TRDN: variants seen among roughly 807,000 people sequenced by gnomAD.
TRDN encodes triadin.
Under a neutral mutation model 149.7 loss-of-function variants are expected in TRDN, and 161 were observed. The observed-to-expected ratio is 1.08, with a 90% CI of 0.95 to 1.23. The LOEUF (loss-of-function observed/expected upper bound fraction) is 1.23. Among genes scored for constraint, TRDN ranks in the 50% most tolerant of loss-of-function variants. The probability of loss-of-function intolerance (pLI) is 0.00; values close to 1 mark genes in which losing one functional copy is unlikely to be tolerated. For missense variants in TRDN, 896 were observed against 823.5 expected (o/e 1.09, Z -1.08); for synonymous variants, 294 against 250.5 (o/e 1.17, Z -1.64).
intron 4 of TRDN, among the ~76,000 whole-genome samples, chr6:123,541,329 G>C (rs2114399163): frequency 6.6e-6 from 1 of 152,178 alleles, no homozygotes; most frequent in Non-Finnish European, 1.5e-5. Flanking sequence ...GTTTCATCCT[G>C]GGTCACTTTG....
chr6:123,613,621 T>A (rs1002357017), intron 1 of TRDN, among the ~76,000 whole-genome samples: 6 of 152,130 alleles, frequency 3.9e-5, no homozygotes, highest in Non-Finnish European at 8.8e-5. Context: ...CCAGATGATA[T>A]TCAGTAAATA....
intron 38 of TRDN, among the ~76,000 whole-genome samples, chr6:123,230,891 C>T (rs1775574895): frequency 2.0e-5 from 3 of 151,940 alleles, no homozygotes; most frequent in Admixed American, 6.6e-5. Flanking sequence ...ATGAGAACTA[C>T]AATGAGATAT....
intron 20 of TRDN, among the ~76,000 whole-genome samples, chr6:123,356,469 T>A (rs1445335924): frequency 1.4e-5 from 2 of 146,964 alleles, no homozygotes; most frequent in African/African-American, 2.5e-5. Context: ...GCTAATATTT[T>A]GTTTAGACCT....
chr6:123,558,469 A>G (rs1781799102), intron 2 of TRDN, among the ~76,000 whole-genome samples: 1 of 152,154 alleles, frequency 6.6e-6, no homozygotes, highest in Admixed American at 6.5e-5. Flanking sequence ...AGCTAAAAGC[A>G]TAGTCAAGGT....
At chr6:123,595,300 T>C (rs932894357) in intron 1 of TRDN, among the ~76,000 whole-genome samples, 11 of 152,144 alleles carry the variant, frequency 7.2e-5, no homozygotes, top group African/African-American at 2.7e-4. Context: ...GTGTTCCCTA[T>C]GAAACAGGAT....
chr6:123,458,941 TG>T (rs35579266), intron 10 of TRDN, among the ~76,000 whole-genome samples: 25,662 of 152,046 alleles, frequency 0.17, 2,323 homozygotes, highest in South Asian at 0.28. Flanking sequence ...CTTTGATATA[TG>T]TGTGTGTGCA....
chr6:123,243,250 G>A (rs1397142095), intron 38 of TRDN, among the ~76,000 whole-genome samples: 1 of 152,092 alleles, frequency 6.6e-6, no homozygotes, highest in Admixed American at 6.6e-5. Flanking sequence ...TCTGCCCTGG[G>A]GCTAACATCA....
Position 123,252,407 on chromosome 6 carries a change from C to A in TRDN, c.1975+5G>T, listed in dbSNP as rs899940538. ...GAACTTGTCATTAATACAAACCGTA[C>A]TTACTTGATACTCTTGCAGGTTTTT... On this transcript the variant is annotated splice_donor_5th_base_variant and intron_variant, in intron 38 of 40. Coordinates refer to ENST00000334268, the MANE Select transcript of TRDN (RefSeq NM_006073.4). 3.3e-6 allele frequency: 5 copies of A among 1,512,578 alleles called. No individual in the cohort carries two copies. Among genetic ancestry groups the A allele is most frequent in the Non-Finnish European group, 4.5e-6 (5 of 1,108,712 alleles). 93.7% of individuals were successfully genotyped at this position (1,512,578 alleles called of 1,614,324 possible).
Position 123,377,847 on chromosome 6 carries a change from G to T in TRDN, c.1219+19C>A. On this transcript the variant is annotated intron_variant, in intron 17 of 40. Transcript: ENST00000334268. ...AATATTATGAAATTGTGAGAACAGA[G>T]GAATTTAAAAACAGTTACCTGGTTC... 6.3e-7 allele frequency: 1 copy of T among 1,591,006 alleles called. No individual in the cohort carries two copies. Among genetic ancestry groups the T allele is most frequent in the South Asian group, 1.1e-5 (1 of 89,292 alleles).
intron 1 of TRDN, among the ~76,000 whole-genome samples, chr6:123,604,321 C>T (rs1194698791): frequency 3.3e-5 from 5 of 152,160 alleles, no homozygotes; most frequent in Non-Finnish European, 1.5e-5. Flanking sequence ...ATGAAAGAAG[C>T]CTACATTCAT....
intron 9 of TRDN, chr6:123,471,680 G>T (rs17739286): frequency 4.6e-5 from 7 of 151,968 alleles, no homozygotes; most frequent in East Asian, 1.9e-4. Context: ...ACATATTTTC[G>T]TATTCACTTT....
At chr6:123,315,060 G>A (rs1778974977) in intron 24 of TRDN, among the ~76,000 whole-genome samples, 1 of 151,692 alleles carries the variant, frequency 6.6e-6, no homozygotes, top group Non-Finnish European at 1.5e-5. Flanking sequence ...ACTAATAATA[G>A]GAAATTGTTA....
At chr6:123,426,063 A>G (rs1774108117) in intron 12 of TRDN, among the ~76,000 whole-genome samples, 2 of 152,112 alleles carry the variant, frequency 1.3e-5, no homozygotes, top group African/African-American at 2.4e-5. Context: ...CATACTGTGC[A>G]CCAGTGGAAG....
At chr6:123,219,995 T>C (rs973222620) in intron 40 of TRDN, among the ~76,000 whole-genome samples, 8 of 152,010 alleles carry the variant, frequency 5.3e-5, no homozygotes, top group African/African-American at 1.9e-4. Flanking sequence ...CTCATTAAAA[T>C]ATTATTATGA....
intron 1 of TRDN, among the ~76,000 whole-genome samples, chr6:123,622,209 A>G (rs1477715266): frequency 1.3e-5 from 2 of 152,026 alleles, no homozygotes; most frequent in African/African-American, 4.8e-5. Flanking sequence ...CAGTTCCACT[A>G]AATGGATACT....
intron 21 of TRDN, among the ~76,000 whole-genome samples, chr6:123,340,522 A>G (rs1004542903): frequency 6.6e-6 from 1 of 152,090 alleles, no homozygotes; most frequent in African/African-American, 2.4e-5. Context: ...TAACAAAATT[A>G]TCAGGCAGTT....
chr6:123,582,985 G>C lies in TRDN; in HGVS notation c.23-11853C>G, dbSNP rs117514347. Among the ~76,000 whole-genome samples, 1,494 of 152,210 alleles carry C rather than the reference G, an allele frequency of 9.8e-3. 10 individuals carry two copies. The highest frequency in any genetic ancestry group is 0.019 in the African/African-American group (784 of 41,528). ...ATTTAGAAGTATTGGTGATGGCCTG[G>C]ATAACAGTTTTGTATGAATTGAAAA... On this transcript the variant is annotated intron_variant, in intron 1 of 40. Coordinates refer to ENST00000334268, the MANE Select transcript of TRDN (RefSeq NM_006073.4).
chr6:123,490,122 T>G (rs779782580), intron 9 of TRDN, among the ~76,000 whole-genome samples: 4 of 152,156 alleles, frequency 2.6e-5, no homozygotes, highest in Non-Finnish European at 5.9e-5. Context: ...CTATGAGTCT[T>G]CATAAGACAA....
At chr6:123,265,520 T>C (rs973209383) in intron 32 of TRDN, among the ~76,000 whole-genome samples, 182 bp from the exon 33 acceptor site, 2 of 151,410 alleles carry the variant, frequency 1.3e-5, no homozygotes, top group Non-Finnish European at 3.0e-5. Flanking sequence ...CCAATGAGTT[T>C]CTCATGGAGC....
Sources: allele counts gnomAD v4.1 joint callset (sites outside exome capture counted in the v4.1 genomes callset), GRCh38; gene constraint gnomAD v4.1.1; transcripts MANE v1.5; gene names NCBI Gene and HGNC (gene_info 2026-07-23, HGNC 2026-07-21).